Variants in SHOX observed in about 807,000 individuals in gnomAD.
The protein encoded by SHOX is SHOX homeobox.
In SHOX, 12 loss-of-function variants were observed where a neutral mutation model predicts 29.6. The ratio of observed to expected loss-of-function variants is 0.41; its 90% CI spans 0.26 to 0.66. The LOEUF is 0.66. SHOX is among the 30% of genes least tolerant of loss of function. The pLI, the probability that SHOX is intolerant of heterozygous loss-of-function variation, is 0.35. For synonymous variants in SHOX, 214 were observed against 200.6 expected (o/e 1.07, Z -0.57); for missense variants, 499 against 437.7 (o/e 1.14, Z -1.25).
At chrX:628,085 C>T (rs1018516559), upstream of SHOX, among the ~76,000 whole-genome samples, 8 of 39,958 alleles carry the variant, frequency 2.0e-4, no homozygotes, top group African/African-American at 6.0e-4. Context: ...TCTCTTCCCC[C>T]TCCCTGTCTC....
chrX:642,742 C>A (rs1359031093), intron 4 of SHOX, among the ~76,000 whole-genome samples: 1 of 151,806 alleles, frequency 6.6e-6, no homozygotes, highest in Non-Finnish European at 1.5e-5. Context: ...ACCTGGTATC[C>A]CCGGGAGAGG....
At chrX:631,460 C>T (rs371056843) in intron 1 of SHOX, among the ~76,000 whole-genome samples, 2 of 152,214 alleles carry the variant, frequency 1.3e-5, no homozygotes, top group Non-Finnish European at 1.5e-5. Flanking sequence ...TGGGGTGGAT[C>T]CGGGTGGCTG....
chrX:631,686 C>T (rs1200729628), intron 1 of SHOX, among the ~76,000 whole-genome samples: 14 of 152,314 alleles, frequency 9.2e-5, no homozygotes, highest in Admixed American at 5.2e-4. Flanking sequence ...CATGCACCAC[C>T]ACGCCTGGCT....
At chrX:632,746 G>A (rs1415463705) in intron 1 of SHOX, among the ~76,000 whole-genome samples, 1 of 152,206 alleles carries the variant, frequency 6.6e-6, no homozygotes, top group African/African-American at 2.4e-5. Context: ...GACAGTGAGA[G>A]GAGTTCCTCC....
chrX:636,947 AATAT>A (rs909293156), intron 2 of SHOX, among the ~76,000 whole-genome samples: 1 of 78,954 alleles, frequency 1.3e-5, no homozygotes, highest in Non-Finnish European at 2.4e-5. Flanking sequence ...TTCATTTAAA[AATAT>A]ATATATATAT....
chrX:650,716 T>C lies in SHOX; in HGVS notation c.*6080T>C, dbSNP rs1472520185. Among the ~76,000 whole-genome samples, 2 of 146,570 alleles carry C rather than the reference T, an allele frequency of 1.4e-5. No individual in the cohort carries two copies. The highest frequency in any genetic ancestry group is 7.1e-5 in the Admixed American group (1 of 14,158). On this transcript the variant is annotated 3_prime_UTR_variant, in exon 5 of 5. Coordinates refer to ENST00000686671, the MANE Select transcript of SHOX (RefSeq NM_000451.4). ...CACGACACACATTTCGGAGGCACTT[T>C]GCTGGAAGCCGCTTGTCTCCTCCAG... is the stretch of plus-strand genomic sequence containing the variant.
upstream of SHOX, among the ~76,000 whole-genome samples, chrX:628,276 C>A (rs1414638366): frequency 1.4e-5 from 1 of 71,134 alleles, no homozygotes; most frequent in Non-Finnish European, 2.8e-5. Flanking sequence ...TCCATCTCTC[C>A]CTGTCTCTCT....
At chrX:625,454 TTCTCTCTCTCGCTG>T (rs1375100367) in intron 1 of SHOX, among the ~76,000 whole-genome samples, 1 of 151,988 alleles carries the variant, frequency 6.6e-6, no homozygotes, top group African/African-American at 2.4e-5. Flanking sequence ...TGCTGCTCTC[TTCTCTCTCTCGCTG>T]TCTCTCTCTG....
Position 650,792 on chromosome X carries a change from T to TAA in SHOX, c.*6182_*6183dup, listed in dbSNP as rs1041655715. On this transcript the variant is annotated 3_prime_UTR_variant, in exon 5 of 5. Transcript: ENST00000686671. ...GGCTTTCGGTGGACACGTTTGACAT[T>TAA]AAAAAAAAAAAAAAAAAAAAAAAAA... Among the ~76,000 whole-genome samples, 923 of 50,772 alleles carry TAA rather than the reference T, an allele frequency of 0.018. 70 individuals carry two copies. The highest frequency in any genetic ancestry group is 0.053 in the African/African-American group (773 of 14,722). 33.3% of individuals were successfully genotyped at this position (50,772 alleles called of 152,430 possible). A position where few individuals can be genotyped will look rare whatever the true frequency, so the allele number is the denominator to read the frequency against.
At position 649,559 on chromosome X, in the gene SHOX, C is replaced by G. The variant is rs973841387; in HGVS notation, c.*4923C>G. 6.6e-6 allele frequency among the ~76,000 whole-genome samples: 1 copy of G among 152,164 alleles called. No individual in the cohort carries two copies. The highest frequency in any genetic ancestry group is 2.4e-5 in the African/African-American group (1 of 41,446). On this transcript the variant is annotated 3_prime_UTR_variant, in exon 5 of 5. Transcript: ENST00000686671. The stretch of plus-strand genomic sequence containing the variant: ...GGTGCTTTTTGCTCAAAACAAGGTT[C>G]TTTTGAAAGTCACGTTCCTGCTTTC...
chrX:655,236 T>C (rs1174341742), downstream of SHOX, among the ~76,000 whole-genome samples: 3 of 151,534 alleles, frequency 2.0e-5, no homozygotes, highest in African/African-American at 7.3e-5. Context: ...GCCTCCCGAG[T>C]AGCTGGGATT....
chrX:653,920 T>TA (rs35084973), downstream of SHOX, among the ~76,000 whole-genome samples: 8,406 of 148,218 alleles, frequency 0.057, 339 homozygotes, highest in African/African-American at 0.12. Context: ...GAGTTGTCGT[T>TA]AAAAAAAAAA....
chrX:650,017 G>A lies in SHOX; in HGVS notation c.*5381G>A, dbSNP rs1171897625. 1 of 455,988 alleles carries A rather than the reference G, an allele frequency of 2.2e-6. No homozygotes were observed. Among genetic ancestry groups the A allele is most frequent in the Non-Finnish European group, 4.4e-6 (1 of 226,798 alleles). The allele number at this position is 455,988 out of a possible 1,614,324, so 28.2% of individuals were successfully genotyped here. On this transcript the variant is annotated 3_prime_UTR_variant, in exon 5 of 5. Coordinates refer to ENST00000686671, the MANE Select transcript of SHOX (RefSeq NM_000451.4). ...CTTTCTCCGTTCGAGTCTCTGACTG[G>A]TGCATACTTTGCAAAGGTGTGTTCC... is the stretch of plus-strand genomic sequence containing the variant.
intron 1 of SHOX, among the ~76,000 whole-genome samples, chrX:624,874 C>CTTTTCTTTCTTTCTTTT (rs369947125): frequency 3.8e-5 from 1 of 26,332 alleles, no homozygotes; most frequent in African/African-American, 2.2e-4. Context: ...TTCTTTCTTT[C>CTTTTCTTTCTTTCTTTT]TTTCTTTCTT....
At chrX:641,739 AACAC>A (rs2052857985) in intron 4 of SHOX, among the ~76,000 whole-genome samples, 1 of 151,830 alleles carries the variant, frequency 6.6e-6, no homozygotes, top group Non-Finnish European at 1.5e-5. Context: ...TGGGAAGGTG[AACAC>A]ACACAAGCCC....
upstream of SHOX, among the ~76,000 whole-genome samples, chrX:627,824 A>G (rs1317103676): frequency 6.6e-6 from 1 of 152,108 alleles, no homozygotes; most frequent in African/African-American, 2.4e-5. Context: ...CCCCCCAGGA[A>G]AGCCTGGTCC....
At position 646,976 on chromosome X, in the gene SHOX, T is replaced by C. The variant is rs943387277; in HGVS notation, c.*2340T>C. The stretch of plus-strand genomic sequence containing the variant: ...TTTTTTTTTAACCAAAAAGGCTGAG[T>C]AATTTTGAAAAATCGAAACATAACA... On this transcript the variant is annotated 3_prime_UTR_variant, in exon 5 of 5. Transcript: ENST00000686671. Among the ~76,000 whole-genome samples the C allele has an allele frequency of 9.9e-5, 15 of 151,668 alleles. No individual in the cohort carries two copies. The highest frequency in any genetic ancestry group is 1.8e-4 in the Non-Finnish European group (12 of 67,976).
At chrX:633,910 C>G (rs958432330) in intron 1 of SHOX, among the ~76,000 whole-genome samples, 1 of 152,200 alleles carries the variant, frequency 6.6e-6, no homozygotes, top group Non-Finnish European at 1.5e-5. Context: ...GCCCTTCTGA[C>G]TCCCCCAGCA....
chrX:644,829 C>A lies in SHOX; in HGVS notation c.*193C>A. Reference sequence around the variant, plus strand: ...CACGCACGACCCAGCCAGACCCTCGCGGAGATGGTGCAGAAGGCGGAGCGG... The same window carrying A: ...CACGCACGACCCAGCCAGACCCTCGAGGAGATGGTGCAGAAGGCGGAGCGG... On this transcript the variant is annotated 3_prime_UTR_variant, in exon 5 of 5. Transcript: ENST00000686671. 2 of 720,728 alleles carry A rather than the reference C, an allele frequency of 2.8e-6. No individual in the cohort carries two copies. The highest frequency in any genetic ancestry group is 1.9e-5 in the African/African-American group (1 of 53,072). 44.6% of individuals were successfully genotyped at this position (720,728 alleles called of 1,614,324 possible).
Sources: allele counts gnomAD v4.1 joint callset (sites outside exome capture counted in the v4.1 genomes callset), GRCh38; gene constraint gnomAD v4.1.1; transcripts MANE v1.5; gene names NCBI Gene and HGNC (gene_info 2026-07-23, HGNC 2026-07-21).